The following OPA1 variants were observed in gnomAD, a reference collection of about 807,000 sequenced individuals.
OPA1 encodes the protein dynamin-like GTPase OPA1, mitochondrial.
In OPA1, 59 loss-of-function variants were observed where a neutral mutation model predicts 152.9. The ratio of observed to expected loss-of-function variants is 0.39; its 90% CI spans 0.31 to 0.48. The LOEUF (loss-of-function observed/expected upper bound fraction) is 0.48. OPA1 is among the 20% of genes least tolerant of loss of function. The pLI is 0.96. For missense variants in OPA1, 1,008 were observed against 1,216.8 expected, an observed-to-expected ratio of 0.83 and a Z score of 2.55; for synonymous variants, 400 against 389.9, an observed-to-expected ratio of 1.03 and a Z score of -0.31.
At chr3:193,688,082 C>T (rs767296840) in intron 29 of OPA1, among the ~76,000 whole-genome samples, 9 of 152,144 alleles carry the variant, frequency 5.9e-5, no homozygotes, top group Non-Finnish European at 1.2e-4. Flanking sequence ...CTGATCCTGT[C>T]TTCCTCCCTC....
intron 29 of OPA1, among the ~76,000 whole-genome samples, chr3:193,671,028 A>G (rs1477649602): frequency 6.6e-6 from 1 of 152,192 alleles, no homozygotes; most frequent in Non-Finnish European, 1.5e-5. Flanking sequence ...ACAGTAACAA[A>G]TTGTAACTCA....
chr3:193,610,934 C>T (rs1728134621), intron 1 of OPA1, among the ~76,000 whole-genome samples: 1 of 152,224 alleles, frequency 6.6e-6, no homozygotes, highest in South Asian at 2.1e-4. Flanking sequence ...TGCTGTCTGT[C>T]ACCCCTTTCC....
At chr3:193,601,938 CACAA>C (rs1411406221) in intron 1 of OPA1, among the ~76,000 whole-genome samples, 1 of 152,138 alleles carries the variant, frequency 6.6e-6, no homozygotes, top group Non-Finnish European at 1.5e-5. Flanking sequence ...GGCATTAGCC[CACAA>C]ACCCAACAGT....
Position 193,665,007 on chromosome 3 carries a change from CA to C in OPA1, c.2778+16del. The C allele has an allele frequency of 1.4e-6, 2 of 1,395,300 alleles. No individual in the cohort carries two copies. Among genetic ancestry groups the C allele is most frequent in the Non-Finnish European group, 2.0e-6 (2 of 982,008 alleles). 86.4% of individuals were successfully genotyped at this position (1,395,300 alleles called of 1,614,324 possible). On this transcript the variant is annotated intron_variant, in intron 27 of 30. Transcript: ENST00000361510. Reference sequence around the variant, plus strand: ...TTTGTAGATTCTGAGGTAAGGTTTCCAAAAACAAAGAGAAGTATTTTTAAGC... The same window carrying C: ...TTTGTAGATTCTGAGGTAAGGTTTCCAAAACAAAGAGAAGTATTTTTAAGC...
chr3:193,623,262 T>C (rs898492067), intron 6 of OPA1, among the ~76,000 whole-genome samples: 5 of 152,150 alleles, frequency 3.3e-5, no homozygotes, highest in Non-Finnish European at 7.3e-5. Context: ...CTCTCAATAC[T>C]ATCACATTGT....
chr3:193,695,358 G>A lies in OPA1; in HGVS notation c.*758G>A, dbSNP rs915265449. On this transcript the variant is annotated 3_prime_UTR_variant, in exon 31 of 31. Coordinates refer to ENST00000361510, the MANE Select transcript of OPA1 (RefSeq NM_130837.3). Reference sequence around the variant, plus strand: ...ACTTACGTTAGGCTTTCTGTTAATAGTGGTTTTTCTCCTGTTGACAGAGCC... The same window carrying A: ...ACTTACGTTAGGCTTTCTGTTAATAATGGTTTTTCTCCTGTTGACAGAGCC... 2 of 152,156 alleles carry A rather than the reference G, an allele frequency of 1.3e-5. No homozygotes were observed. The highest frequency in any genetic ancestry group is 2.9e-5 in the Non-Finnish European group (2 of 68,018). 9.4% of individuals were successfully genotyped at this position (152,156 alleles called of 1,614,324 possible).
rs2108878176 is a variant in OPA1, at chr3:193,617,236, T to C, written c.507T>C (p.Phe169=). 1 of 1,613,218 alleles carries C rather than the reference T, an allele frequency of 6.2e-7. No homozygotes were observed. The highest frequency in any genetic ancestry group is 2.2e-5 in the East Asian group (1 of 44,818). The change falls in exon 4 of 31, where the codon TTT becomes TTC. Residue 169 remains phenylalanine, a synonymous_variant. Transcript: ENST00000361510. The part of the protein sequence containing the change: ...SEDLVKLAPD[F]DKIVESLSLL... ...ACCTTGTAAAGTTAGCACCAGACTT[T>C]GACAAGATTGTTGAAAGCCTTAGCT... is the stretch of plus-strand genomic sequence containing the variant.
chr3:193,691,038 A>T (rs1382574154), intron 29 of OPA1, among the ~76,000 whole-genome samples: 1 of 152,044 alleles, frequency 6.6e-6, no homozygotes, highest in African/African-American at 2.4e-5. Flanking sequence ...ACAAAGTGAG[A>T]TCCTATCTCC....
chr3:193,682,244 T>C (rs1720263266), intron 29 of OPA1, among the ~76,000 whole-genome samples: 1 of 152,210 alleles, frequency 6.6e-6, no homozygotes. Context: ...TTCCTAACTC[T>C]ATTCAATTCT....
intron 26 of OPA1, among the ~76,000 whole-genome samples, chr3:193,664,552 T>A (rs193072903): frequency 6.6e-6 from 1 of 152,044 alleles, no homozygotes; most frequent in African/African-American, 2.4e-5. Context: ...TCTTTCTGCA[T>A]TGGTTTCCTC....
At chr3:193,604,852 C>A in intron 1 of OPA1, among the ~76,000 whole-genome samples, 1 of 102,522 alleles carries the variant, frequency 9.8e-6, no homozygotes. Context: ...AAGAGTGAAA[C>A]TCCATCTCAA....
chr3:193,661,666 C>T (rs1004143784), intron 25 of OPA1, among the ~76,000 whole-genome samples: 2 of 152,190 alleles, frequency 1.3e-5, no homozygotes, highest in Non-Finnish European at 2.9e-5. Flanking sequence ...GAAACATTCT[C>T]GCCTTGTTTA....
intron 29 of OPA1, among the ~76,000 whole-genome samples, chr3:193,676,971 A>G (rs1175740463): frequency 9.2e-5 from 11 of 119,738 alleles, no homozygotes; most frequent in African/African-American, 3.0e-4. Flanking sequence ...ACAGAGCAAG[A>G]CTCGTCTCAA....
intron 1 of OPA1, among the ~76,000 whole-genome samples, chr3:193,609,558 G>T (rs1009783774): frequency 5.3e-5 from 8 of 152,094 alleles, no homozygotes; most frequent in African/African-American, 1.9e-4. Context: ...GGCATTCTCT[G>T]TGTTTCCTGA....
At chr3:193,660,377 A>C (rs1162289673) in intron 25 of OPA1, among the ~76,000 whole-genome samples, 1 of 152,196 alleles carries the variant, frequency 6.6e-6, no homozygotes, top group Non-Finnish European at 1.5e-5. Context: ...AAATTAATGA[A>C]ATAATGAAGA....
intron 1 of OPA1, among the ~76,000 whole-genome samples, chr3:193,611,810 C>T (rs532106914): frequency 6.6e-6 from 1 of 151,504 alleles, no homozygotes; most frequent in Admixed American, 6.6e-5. Flanking sequence ...TTCTAAGCGA[C>T]TTCTGTAATC....
intron 21 of OPA1, among the ~76,000 whole-genome samples, chr3:193,652,393 A>C (rs943249833): frequency 3.9e-4 from 59 of 150,906 alleles, no homozygotes; most frequent in Admixed American, 1.4e-3. Context: ...AAACAAACAA[A>C]CAAAAAAAAA....
intron 20 of OPA1, chr3:193,648,553 A>G (rs1330020928): frequency 6.5e-6 from 3 of 463,626 alleles, no homozygotes; most frequent in Non-Finnish European, 1.2e-5. Context: ...AACGTGAACA[A>G]GTGTTATGTG....
Position 193,629,426 on chromosome 3 carries a change from C to T in OPA1, c.790-2186C>T, listed in dbSNP as rs374000572. Among the ~76,000 whole-genome samples, 9 of 151,860 alleles carry T rather than the reference C, an allele frequency of 5.9e-5. No individual in the cohort carries two copies. In the East Asian group the frequency reaches 1.6e-3, roughly 26 times the overall value. On this transcript the variant is annotated intron_variant, in intron 7 of 30. Transcript: ENST00000361510. ...ATAAATTATATTTGTAGGCGGGGCA[C>T]GGTGGCTCACGCCTGTAATCCCAGC... is the stretch of plus-strand genomic sequence containing the variant.
Sources: gnomAD v4.1 joint callset for allele counts (sites outside exome capture counted in the v4.1 genomes callset) on GRCh38, gnomAD v4.1.1 for gene constraint, MANE v1.5 for transcripts, NCBI Gene and HGNC (gene_info 2026-07-23, HGNC 2026-07-21) for gene names.